Variants in NDST4 observed in about 807,000 individuals in gnomAD.
NDST4 encodes N-deacetylase and N-sulfotransferase 4.
NDST4 carries 63 observed loss-of-function variants against 100.8 expected under a neutral mutation model. That is an observed-to-expected ratio of 0.62 (90% CI 0.51 to 0.77). The LOEUF (loss-of-function observed/expected upper bound fraction) is 0.77. Among genes scored for constraint, NDST4 ranks in the 30% least tolerant of loss-of-function variants. The pLI is 0.00. For missense variants in NDST4, 943 were observed against 1,018.4 expected (o/e 0.93, Z 1.01); for synonymous variants, 377 against 361.8 (o/e 1.04, Z -0.48).
At chr4:115,048,317 T>G (rs893497730) in intron 2 of NDST4, among the ~76,000 whole-genome samples, 1 of 152,160 alleles carries the variant, frequency 6.6e-6, no homozygotes, top group African/African-American at 2.4e-5. Flanking sequence ...GCATTTACAT[T>G]TATAAAAACA....
chr4:114,921,597 A>G (rs1725287063), intron 6 of NDST4, among the ~76,000 whole-genome samples: 1 of 152,184 alleles, frequency 6.6e-6, no homozygotes, highest in African/African-American at 2.4e-5. Flanking sequence ...TTTTTATCAC[A>G]TCTTATACTG....
At chr4:114,865,253 C>T (rs568339073) in intron 7 of NDST4, among the ~76,000 whole-genome samples, 17 of 151,922 alleles carry the variant, frequency 1.1e-4, no homozygotes, top group African/African-American at 4.1e-4. Flanking sequence ...TTAGTAGAGA[C>T]GGGATTTCAC....
intron 2 of NDST4, among the ~76,000 whole-genome samples, chr4:114,986,788 T>TTATATA (rs1236404282): frequency 2.7e-4 from 18 of 65,978 alleles, no homozygotes; most frequent in African/African-American, 1.2e-3. Flanking sequence ...TGGTATCCAA[T>TTATATA]TATACATATA....
At chr4:114,838,255 G>A (rs994610576) in intron 11 of NDST4, among the ~76,000 whole-genome samples, 1 of 152,178 alleles carries the variant, frequency 6.6e-6, no homozygotes, top group Non-Finnish European at 1.5e-5. Context: ...GTGGAAGACA[G>A]TATGGCAATT....
intron 6 of NDST4, among the ~76,000 whole-genome samples, chr4:114,887,628 T>G (rs1005858226): frequency 3.9e-5 from 6 of 152,164 alleles, no homozygotes; most frequent in African/African-American, 1.4e-4. Flanking sequence ...TTAATAATTA[T>G]TCTATGAAAT....
At chr4:114,840,714 A>G (rs1723406500) in intron 10 of NDST4, among the ~76,000 whole-genome samples, 1 of 152,176 alleles carries the variant, frequency 6.6e-6, no homozygotes, top group Non-Finnish European at 1.5e-5. Context: ...GAAACTTCTA[A>G]AAGTGAATTT....
At chr4:115,108,201 T>C (rs1729871785) in intron 1 of NDST4, among the ~76,000 whole-genome samples, 1 of 152,106 alleles carries the variant, frequency 6.6e-6, no homozygotes, top group South Asian at 2.1e-4. Flanking sequence ...TATGCATCTC[T>C]GCATCTGTTA....
intron 2 of NDST4, among the ~76,000 whole-genome samples, chr4:115,038,548 G>A (rs558656394): frequency 2.9e-4 from 44 of 152,212 alleles, no homozygotes; most frequent in African/African-American, 9.1e-4. Flanking sequence ...TAAAAGCCCT[G>A]AGGTACCCTA....
At chr4:115,031,709 C>T (rs1291097134) in intron 2 of NDST4, among the ~76,000 whole-genome samples, 2 of 152,020 alleles carry the variant, frequency 1.3e-5, no homozygotes, top group Non-Finnish European at 2.9e-5. Flanking sequence ...GAAAAGTTGT[C>T]CTAGTAATTA....
At chr4:114,905,888 ATTTT>A (rs1166890196) in intron 6 of NDST4, among the ~76,000 whole-genome samples, 1 of 151,640 alleles carries the variant, frequency 6.6e-6, no homozygotes, top group African/African-American at 2.4e-5. Context: ...AGGTAACTGA[ATTTT>A]TTTTGCTCAA....
chr4:114,937,861 TA>T (rs1220710507), intron 4 of NDST4, among the ~76,000 whole-genome samples: 2 of 140,636 alleles, frequency 1.4e-5, no homozygotes, highest in East Asian at 4.8e-4. Context: ...TGAAAGGGCA[TA>T]GAATGCGTGT....
Position 114,992,939 on chromosome 4 carries a change from A to G in NDST4, c.979-15665T>C, listed in dbSNP as rs535111572. ...AGCTGAATTGTAAATATTTTATCTGATATTTGTATATTTTACTTAAAAAAT... is the reference window on the plus strand; with the variant it reads ...AGCTGAATTGTAAATATTTTATCTGGTATTTGTATATTTTACTTAAAAAAT... On this transcript the variant is annotated intron_variant, in intron 2 of 13. Coordinates refer to ENST00000264363, the MANE Select transcript of NDST4 (RefSeq NM_022569.3). Among the ~76,000 whole-genome samples the G allele has an allele frequency of 3.3e-5, 5 of 151,912 alleles. No homozygotes were observed. In the East Asian group the frequency reaches 9.7e-4, roughly 29 times the overall value.
chr4:114,944,971 A>G (rs1725828425), intron 4 of NDST4, among the ~76,000 whole-genome samples: 1 of 152,066 alleles, frequency 6.6e-6, no homozygotes, highest in Admixed American at 6.6e-5. Context: ...GCACTTTGGG[A>G]GGCCGAGGCA....
intron 2 of NDST4, among the ~76,000 whole-genome samples, chr4:114,989,829 G>A (rs2126251144): frequency 6.6e-6 from 1 of 152,236 alleles, no homozygotes. Flanking sequence ...TGCAGGTTGT[G>A]AAAGAATTGA....
chr4:114,873,254 A>G (rs1352690873), intron 6 of NDST4, among the ~76,000 whole-genome samples: 1 of 151,646 alleles, frequency 6.6e-6, no homozygotes, highest in Non-Finnish European at 1.5e-5. Flanking sequence ...TATTTTAAAA[A>G]TATTATTTAT....
chr4:114,846,756 T>C (rs1025098980), intron 9 of NDST4, among the ~76,000 whole-genome samples: 4 of 152,164 alleles, frequency 2.6e-5, no homozygotes, highest in African/African-American at 9.6e-5. Context: ...TAGAAATAAA[T>C]AATAAGAGCA....
intron 6 of NDST4, among the ~76,000 whole-genome samples, chr4:114,906,672 C>T (rs1289486589): frequency 6.6e-6 from 1 of 151,880 alleles, no homozygotes; most frequent in African/African-American, 2.4e-5. Context: ...AAAATATGTA[C>T]ATCTTAAGAG....
At chr4:114,934,660 A>G (rs1243304434) in intron 6 of NDST4, among the ~76,000 whole-genome samples, 1 of 152,030 alleles carries the variant, frequency 6.6e-6, no homozygotes, top group Admixed American at 6.6e-5. Flanking sequence ...GTGGAAAGGA[A>G]CAAAGTTCCA....
At chr4:114,895,791 G>A (rs1231694521) in intron 6 of NDST4, among the ~76,000 whole-genome samples, 1 of 151,808 alleles carries the variant, frequency 6.6e-6, no homozygotes, top group Non-Finnish European at 1.5e-5. Context: ...TGCACATTGT[G>A]CACATGTACC....
Sources: gnomAD v4.1 joint callset for allele counts (sites outside exome capture counted in the v4.1 genomes callset) on GRCh38, gnomAD v4.1.1 for gene constraint, MANE v1.5 for transcripts, NCBI Gene and HGNC (gene_info 2026-07-23, HGNC 2026-07-21) for gene names.